The following GNAL variants were observed in gnomAD, a reference collection of about 807,000 sequenced individuals.
GNAL encodes the protein guanine nucleotide-binding protein G(olf) subunit alpha.
GNAL carries 18 observed loss-of-function variants against 55.1 expected under a neutral mutation model. The ratio of observed to expected loss-of-function variants is 0.33; its 90% CI spans 0.23 to 0.48. The LOEUF is 0.48. Ranked by LOEUF, GNAL falls within the 20% of genes least tolerant of loss-of-function variation. GNAL has a pLI of 0.99. For missense variants in GNAL, 412 were observed against 614.1 expected (o/e 0.67, Z 3.48); for synonymous variants, 253 against 237.0 (o/e 1.07, Z -0.62).
chr18:11,797,598 G>C (rs1317010575), intron 4 of GNAL, among the ~76,000 whole-genome samples: 2 of 152,038 alleles, frequency 1.3e-5, no homozygotes, highest in Non-Finnish European at 2.9e-5. Context: ...ACACAAATTA[G>C]CTGGGCATGG....
intron 11 of GNAL, among the ~76,000 whole-genome samples, chr18:11,878,391 C>T (rs1264572142): frequency 1.3e-5 from 2 of 152,074 alleles, no homozygotes; most frequent in African/African-American, 4.8e-5. Context: ...TTTGAGGTGG[C>T]AGTGAGCTAT....
chr18:11,767,879 G>A lies in GNAL; in HGVS notation c.624+13934G>A, dbSNP rs552777557. 8.5e-5 allele frequency among the ~76,000 whole-genome samples: 13 copies of A among 152,262 alleles called. No individual in the cohort carries two copies. The South Asian group carries it at 2.5e-3, about 29-fold the overall frequency. ...AGATTTCCAAGAACACAGTTTGCATGCTGTGTAGATGTCCTTATTTAAATA... is the reference window on the plus strand; with the variant it reads ...AGATTTCCAAGAACACAGTTTGCATACTGTGTAGATGTCCTTATTTAAATA... On this transcript the variant is annotated intron_variant, in intron 4 of 11. Coordinates refer to ENST00000334049, the MANE Select transcript of GNAL (RefSeq NM_182978.4).
At chr18:11,759,472 G>A (rs2033168030) in intron 4 of GNAL, among the ~76,000 whole-genome samples, 1 of 152,362 alleles carries the variant, frequency 6.6e-6, no homozygotes, top group Non-Finnish European at 1.5e-5. Flanking sequence ...TACCCAGAGA[G>A]CAGAGGTCAG....
At chr18:11,834,318 G>T (rs1309884028) in intron 5 of GNAL, among the ~76,000 whole-genome samples, 3 of 152,176 alleles carry the variant, frequency 2.0e-5, no homozygotes, top group African/African-American at 7.2e-5. Flanking sequence ...ATGCAGATGA[G>T]TTGTTGCAAA....
intron 4 of GNAL, among the ~76,000 whole-genome samples, chr18:11,759,192 G>T (rs1330390977): frequency 1.3e-5 from 2 of 151,882 alleles, no homozygotes; most frequent in Non-Finnish European, 2.9e-5. Flanking sequence ...CAAAAAGGAA[G>T]AAAAGAAAAA....
intron 4 of GNAL, among the ~76,000 whole-genome samples, chr18:11,765,137 C>T (rs1291321142): frequency 6.6e-6 from 1 of 152,200 alleles, no homozygotes; most frequent in East Asian, 1.9e-4. Flanking sequence ...GGACCAGCCA[C>T]AACAGCGACC....
chr18:11,740,995 A>G (rs1244274473), intron 1 of GNAL, among the ~76,000 whole-genome samples: 1 of 152,222 alleles, frequency 6.6e-6, no homozygotes, highest in Non-Finnish European at 1.5e-5. Flanking sequence ...TGCATAGACA[A>G]TTCGATATTC....
At chr18:11,756,451 G>C (rs1022507920) in intron 4 of GNAL, among the ~76,000 whole-genome samples, 5 of 151,934 alleles carry the variant, frequency 3.3e-5, no homozygotes, top group Non-Finnish European at 5.9e-5. Flanking sequence ...AGTTTTACTG[G>C]TGTTTTTTAA....
chr18:11,792,281 G>T (rs1322475110), intron 4 of GNAL, among the ~76,000 whole-genome samples: 2 of 152,036 alleles, frequency 1.3e-5, no homozygotes, highest in East Asian at 1.9e-4. Flanking sequence ...TACCTCCCGA[G>T]TTCAAGCAAT....
chr18:11,720,538 T>C (rs917878185), intron 1 of GNAL, among the ~76,000 whole-genome samples: 2 of 152,234 alleles, frequency 1.3e-5, no homozygotes, highest in African/African-American at 4.8e-5. Context: ...TGGATGTCAG[T>C]CCACAAGCTT....
rs988527843 is a variant in GNAL at position 11,878,755 on chromosome 18, A to G, written c.1230+2067A>G. Among the ~76,000 whole-genome samples, 6 of 151,860 alleles carry G rather than the reference A, an allele frequency of 4.0e-5. No individual in the cohort carries two copies. In the South Asian group the frequency reaches 1.2e-3, roughly 32 times the overall value. On this transcript the variant is annotated intron_variant, in intron 11 of 11. Coordinates refer to ENST00000334049, the MANE Select transcript of GNAL (RefSeq NM_182978.4). The stretch of plus-strand genomic sequence containing the variant: ...CGGCTAATTTTTAAATTTTATAGAG[A>G]TACAGCCTTGCTATGTTGGCCAGGC...
At chr18:11,785,256 G>T (rs1012604509) in intron 4 of GNAL, among the ~76,000 whole-genome samples, 1 of 151,756 alleles carries the variant, frequency 6.6e-6, no homozygotes, top group African/African-American at 2.4e-5. Flanking sequence ...GGATAAAGAT[G>T]AGGTCATTGC....
intron 5 of GNAL, among the ~76,000 whole-genome samples, chr18:11,861,963 T>TAC (rs56087854): frequency 0.11 from 16,244 of 147,986 alleles, 963 homozygotes; most frequent in African/African-American, 0.15. Flanking sequence ...CACGCAGTCA[T>TAC]ACACACACAC....
At chr18:11,746,080 T>A (rs2032681838) in intron 1 of GNAL, 1 of 466,370 alleles carries the variant, frequency 2.1e-6, no homozygotes, top group Admixed American at 2.5e-5. Context: ...GAAGTTCTTG[T>A]TCCATTGGAG....
At chr18:11,865,755 TAAAAAAAAAAA>T (rs777122802) in intron 7 of GNAL, among the ~76,000 whole-genome samples, 1 of 81,226 alleles carries the variant, frequency 1.2e-5, no homozygotes, top group East Asian at 3.1e-4. Context: ...ACCCTGTCTC[TAAAAAAAAAAA>T]AAAAAAAAAA....
chr18:11,837,854 A>G (rs1039383493), intron 5 of GNAL, among the ~76,000 whole-genome samples: 1 of 152,240 alleles, frequency 6.6e-6, no homozygotes, highest in Admixed American at 6.5e-5. Context: ...CAAAATGTGT[A>G]AACAGGCTGG....
intron 5 of GNAL, chr18:11,851,358 G>T (rs1335057130): frequency 2.0e-6 from 2 of 1,006,676 alleles, no homozygotes; most frequent in East Asian, 2.8e-5. Context: ...CGCCTTTGGC[G>T]CTGGGCTCTG....
chr18:11,880,243 C>T (rs534640686), intron 11 of GNAL, among the ~76,000 whole-genome samples: 3 of 150,224 alleles, frequency 2.0e-5, no homozygotes, highest in Non-Finnish European at 4.4e-5. Context: ...GGGGACACAG[C>T]GAGACTCCAT....
intron 4 of GNAL, among the ~76,000 whole-genome samples, chr18:11,823,519 T>G (rs1322078857): frequency 6.6e-6 from 1 of 152,214 alleles, no homozygotes; most frequent in Non-Finnish European, 1.5e-5. Flanking sequence ...TTCCAAGGAT[T>G]TATACCTAAT....
Sources: allele counts gnomAD v4.1 joint callset (sites outside exome capture counted in the v4.1 genomes callset), GRCh38; gene constraint gnomAD v4.1.1; transcripts MANE v1.5; gene names NCBI Gene and HGNC (gene_info 2026-07-23, HGNC 2026-07-21).